DIP2C: variants seen among roughly 807,000 people sequenced by gnomAD.
DIP2C encodes disco-interacting protein 2 homolog C.
Under a neutral mutation model 192.4 loss-of-function variants are expected in DIP2C, and 33 were observed. The ratio of observed to expected loss-of-function variants is 0.17; its 90% confidence interval spans 0.13 to 0.23. DIP2C has a LOEUF of 0.23. DIP2C is among the 10% of genes least tolerant of loss of function. The pLI is 1.00. For missense variants in DIP2C, 1,537 were observed against 2,110.1 expected (o/e 0.73, Z 5.32); for synonymous variants, 979 against 864.1 (o/e 1.13, Z -2.33).
intron 1 of DIP2C, among the ~76,000 whole-genome samples, chr10:487,812 C>T (rs1844136601): frequency 6.6e-6 from 1 of 152,086 alleles, no homozygotes; most frequent in Non-Finnish European, 1.5e-5. Context: ...CTCCTGACCT[C>T]ATGATCTGCC....
intron 1 of DIP2C, among the ~76,000 whole-genome samples, chr10:559,887 G>C (rs1040999674): frequency 1.3e-5 from 2 of 152,176 alleles, no homozygotes; most frequent in Non-Finnish European, 2.9e-5. Context: ...CTGGCCATTC[G>C]TCTTTAACCT....
intron 1 of DIP2C, among the ~76,000 whole-genome samples, chr10:580,903 G>C (rs1341236812): frequency 6.6e-6 from 1 of 152,232 alleles, no homozygotes; most frequent in African/African-American, 2.4e-5. Context: ...CGTCAGGACT[G>C]ACTCACGATG....
chr10:446,312 T>G (rs942000556), intron 3 of DIP2C, among the ~76,000 whole-genome samples: 4 of 151,394 alleles, frequency 2.6e-5, no homozygotes, highest in African/African-American at 7.3e-5. Context: ...TTGCGAAGAG[T>G]CTATCTTCCA....
chr10:480,383 T>C (rs1843515748), intron 2 of DIP2C, among the ~76,000 whole-genome samples: 1 of 148,362 alleles, frequency 6.7e-6, no homozygotes, highest in South Asian at 2.1e-4. Flanking sequence ...GCTCACTGGA[T>C]AAGACTCATC....
intron 5 of DIP2C, among the ~76,000 whole-genome samples, chr10:422,064 T>G (rs1417047122): frequency 6.6e-6 from 1 of 152,150 alleles, no homozygotes; most frequent in African/African-American, 2.4e-5. Context: ...CAGGTTTTCC[T>G]GCGGCAGCTG....
chr10:608,868 A>G (rs578182454), intron 1 of DIP2C, among the ~76,000 whole-genome samples: 1 of 151,474 alleles, frequency 6.6e-6, no homozygotes, highest in Non-Finnish European at 1.5e-5. Context: ...TCAGCATATA[A>G]AAGATCTTGT....
intron 18 of DIP2C, among the ~76,000 whole-genome samples, chr10:369,020 G>C (rs1035152742): frequency 1.3e-5 from 2 of 152,226 alleles, no homozygotes; most frequent in African/African-American, 2.4e-5. Context: ...CTGTGGAAAA[G>C]GCTTCTGAGA....
At chr10:592,829 C>T (rs944484663) in intron 1 of DIP2C, among the ~76,000 whole-genome samples, 13 of 151,514 alleles carry the variant, frequency 8.6e-5, no homozygotes, top group African/African-American at 2.7e-4. Context: ...TGAAGATGTA[C>T]GAGCCGTCCC....
intron 15 of DIP2C, 28 bp from the exon 16 acceptor site, chr10:384,174 C>T (rs776022848): frequency 6.2e-7 from 1 of 1,606,270 alleles, no homozygotes; most frequent in Non-Finnish European, 8.5e-7. Flanking sequence ...AATAAGTTAA[C>T]ATGTGCCACC....
At chr10:388,518 T>G (rs537423249) in intron 13 of DIP2C, among the ~76,000 whole-genome samples, 1 of 152,128 alleles carries the variant, frequency 6.6e-6, no homozygotes, top group Non-Finnish European at 1.5e-5. Context: ...TCACAATAAA[T>G]GGCCAAAAGT....
intron 29 of DIP2C, among the ~76,000 whole-genome samples, chr10:337,969 CGTGT>C (rs922684879): frequency 1.2e-4 from 9 of 72,550 alleles, no homozygotes; most frequent in Non-Finnish European, 2.0e-4. Context: ...TGTGTGTGTG[CGTGT>C]GTGTGTGTTG....
chr10:581,898 C>T (rs756097618), intron 1 of DIP2C, among the ~76,000 whole-genome samples: 3 of 152,098 alleles, frequency 2.0e-5, no homozygotes, highest in Non-Finnish European at 4.4e-5. Flanking sequence ...TTTTTGGCAC[C>T]AGCGATGGGT....
chr10:566,035 G>A (rs538706277), intron 1 of DIP2C, among the ~76,000 whole-genome samples: 2 of 152,288 alleles, frequency 1.3e-5, no homozygotes, highest in East Asian at 3.9e-4. Context: ...GAGAGGGGCG[G>A]ATTCCAAACT....
rs921460668 is a variant in DIP2C at position 408,979 on chromosome 10, T to A, written c.1096A>T (p.Ile366Phe). Residue 366 changes from isoleucine (I) to phenylalanine (F), a missense_variant, in exon 9 of 37, where the codon ATT (isoleucine) becomes TTT (phenylalanine). Ile to Phe is a conservative substitution (Grantham distance 21). Coordinates refer to ENST00000280886, the MANE Select transcript of DIP2C (RefSeq NM_014974.3). ...TGCTTTGTGCCTAATTTGTGTAGAA[T>A]GCTGTAAGCGACCTTCATACTTCTT... ...WTRSMKVAYS[I>F]LHKLGTKQEP... The A allele has an allele frequency of 1.9e-6, 3 of 1,614,098 alleles. No homozygotes were observed. The highest frequency in any genetic ancestry group is 2.5e-6 in the Non-Finnish European group (3 of 1,180,044).
intron 29 of DIP2C, among the ~76,000 whole-genome samples, chr10:332,493 C>T (rs759421587): frequency 1.7e-4 from 26 of 152,146 alleles, no homozygotes; most frequent in Non-Finnish European, 3.7e-4. Context: ...GCCCTTACCT[C>T]ACTCAATACA....
intron 3 of DIP2C, among the ~76,000 whole-genome samples, chr10:452,324 C>T (rs186246722): frequency 5.9e-5 from 9 of 152,282 alleles, no homozygotes; most frequent in Admixed American, 4.6e-4. Context: ...AACGGGATAG[C>T]GCTAAGGGGT....
At chr10:598,403 A>C (rs991025209) in intron 1 of DIP2C, among the ~76,000 whole-genome samples, 4 of 152,222 alleles carry the variant, frequency 2.6e-5, no homozygotes, top group Non-Finnish European at 2.9e-5. Flanking sequence ...CACAACATGG[A>C]CATTCCCTCA....
chr10:458,220 AG>A (rs929891391), intron 3 of DIP2C, among the ~76,000 whole-genome samples: 3 of 152,164 alleles, frequency 2.0e-5, no homozygotes, highest in African/African-American at 4.8e-5. Context: ...CTTCTCTCCT[AG>A]CATCATTCTG....
chr10:566,841 A>G (rs1373290462), intron 1 of DIP2C, among the ~76,000 whole-genome samples: 2 of 152,212 alleles, frequency 1.3e-5, no homozygotes, highest in Non-Finnish European at 2.9e-5. Context: ...ATGCACAGCT[A>G]GCGTGCCACA....
Sources: allele counts gnomAD v4.1 joint callset (sites outside exome capture counted in the v4.1 genomes callset), GRCh38; gene constraint gnomAD v4.1.1; transcripts MANE v1.5; gene names NCBI Gene and HGNC (gene_info 2026-07-23, HGNC 2026-07-21).